The following AFF2 variants were observed in gnomAD, a reference collection of about 807,000 sequenced individuals.
AFF2 encodes the protein ALF transcription elongation factor 2.
Under a neutral mutation model 76.9 loss-of-function variants are expected in AFF2, and 14 were observed. That is an observed-to-expected ratio of 0.18 (90% CI 0.12 to 0.28). The LOEUF (loss-of-function observed/expected upper bound fraction) is 0.28. AFF2 is among the 10% of genes least tolerant of loss of function. The pLI is 1.00. For missense variants in AFF2, 868 were observed against 1,001.1 expected (o/e 0.87, Z 1.79); for synonymous variants, 398 against 366.7 (o/e 1.09, Z -0.98).
intron 9 of AFF2, among the ~76,000 whole-genome samples, chrX:148,950,251 A>T (rs1362484585): frequency 8.9e-6 from 1 of 112,127 alleles, no homozygotes; most frequent in African/African-American, 3.2e-5. Context: ...GGCCCAGAGG[A>T]AATGAGGCCC....
intron 3 of AFF2, among the ~76,000 whole-genome samples, chrX:148,722,446 T>C (rs28677839): frequency 0.18 from 19,299 of 109,531 alleles, 1,916 homozygotes; most frequent in African/African-American, 0.37. Context: ...TCGCAAGAAC[T>C]CGACCAGCGA....
chrX:148,919,897 A>C (rs1360015794), intron 9 of AFF2, among the ~76,000 whole-genome samples: 2 of 112,624 alleles, frequency 1.8e-5, no homozygotes, highest in African/African-American at 6.4e-5. Context: ...CAAAAGTTCT[A>C]GGTGCTTGGA....
chrX:148,661,807 G>C (rs566156101), intron 2 of AFF2, 101 bp from the exon 3 acceptor site: 2 of 851,386 alleles, frequency 2.3e-6, no homozygotes, highest in Admixed American at 3.1e-5. Context: ...AAAGAATCCC[G>C]TATGATAGTC....
At chrX:148,592,867 T>G in intron 1 of AFF2, among the ~76,000 whole-genome samples, 1 of 112,349 alleles carries the variant, frequency 8.9e-6, no homozygotes, top group African/African-American at 3.2e-5. Context: ...TGAAACAGCC[T>G]ATTGTTTTTT....
rs1002771758 is a variant in AFF2, at chrX:148,560,754, G to A, written c.47+59610G>A. The stretch of plus-strand genomic sequence containing the variant: ...GCCATTCTGAGCCATATTGAAGCCT[G>A]AGGCAAAAGGAAAAAATAAGACATT... On this transcript the variant is annotated intron_variant, in intron 1 of 20. Transcript: ENST00000370460. Among the ~76,000 whole-genome samples the A allele has an allele frequency of 2.7e-5, 3 of 112,187 alleles. No homozygotes were observed. In the South Asian group the frequency reaches 1.1e-3, roughly 42 times the overall value.
rs1351348401 is a variant in AFF2 at position 148,995,084 on chromosome X, T to C, written c.*3752T>C. ...AATTTAATTCTGTGGGGAAAAATTA[T>C]TGAGCCAGTTGTCAGTGTTCTGTTA... On this transcript the variant is annotated 3_prime_UTR_variant, in exon 21 of 21. Transcript: ENST00000370460. The C allele has an allele frequency of 8.9e-6, 1 of 112,300 alleles. No homozygotes were observed. 9.3% of individuals were successfully genotyped at this position (112,300 alleles called of 1,213,427 possible).
chrX:148,896,095 C>T (rs57351531), intron 8 of AFF2, among the ~76,000 whole-genome samples: 1,395 of 111,467 alleles, frequency 0.013, 21 homozygotes, highest in African/African-American at 0.043. Flanking sequence ...AACATGGACT[C>T]GAGGGTCATT....
intron 3 of AFF2, among the ~76,000 whole-genome samples, chrX:148,687,559 G>A (rs1426415455): frequency 9.0e-6 from 1 of 110,881 alleles, no homozygotes; most frequent in African/African-American, 3.3e-5. Flanking sequence ...TTCTTAAGAT[G>A]ATATTGGTAC....
At chrX:148,680,373 C>T (rs2054533807) in intron 3 of AFF2, among the ~76,000 whole-genome samples, 1 of 111,841 alleles carries the variant, frequency 8.9e-6, no homozygotes, top group Admixed American at 9.5e-5. Flanking sequence ...GTTATAAAAT[C>T]AGGGTATTGC....
chrX:148,947,274 G>A (rs1213003261), intron 9 of AFF2, among the ~76,000 whole-genome samples: 6 of 112,085 alleles, frequency 5.4e-5, no homozygotes, highest in African/African-American at 9.7e-5. Context: ...CTCATCAATA[G>A]CATCAGAGAA....
chrX:148,959,678 G>A (rs1167320098), intron 12 of AFF2, among the ~76,000 whole-genome samples: 3 of 112,309 alleles, frequency 2.7e-5, no homozygotes, highest in African/African-American at 9.7e-5. Context: ...AGTTTGCTCT[G>A]AAACATCCCT....
chrX:148,774,536 C>T (rs2069643827), intron 3 of AFF2, among the ~76,000 whole-genome samples: 1 of 111,111 alleles, frequency 9.0e-6, no homozygotes, highest in South Asian at 3.8e-4. Context: ...TTCTACATTC[C>T]TCTCTTATTT....
At chrX:148,644,023 T>TA (rs2054116293) in intron 1 of AFF2, among the ~76,000 whole-genome samples, 1 of 111,681 alleles carries the variant, frequency 9.0e-6, no homozygotes, top group African/African-American at 3.3e-5. Flanking sequence ...GCATTTCCAT[T>TA]AAAATGGAAT....
intron 9 of AFF2, among the ~76,000 whole-genome samples, chrX:148,938,394 A>G (rs1253930830): frequency 8.9e-6 from 1 of 112,406 alleles, no homozygotes; most frequent in African/African-American, 3.2e-5. Context: ...TGCGTGGCAC[A>G]TAACCATAAT....
At chrX:148,931,535 A>C (rs1184291526) in intron 9 of AFF2, among the ~76,000 whole-genome samples, 1 of 112,323 alleles carries the variant, frequency 8.9e-6, no homozygotes, top group Non-Finnish European at 1.9e-5. Flanking sequence ...TCTTATTTGC[A>C]TGTTTTACAC....
chrX:148,786,727 A>G (rs967470362), intron 3 of AFF2, among the ~76,000 whole-genome samples: 3 of 112,036 alleles, frequency 2.7e-5, no homozygotes, highest in Non-Finnish European at 5.6e-5. Context: ...TAGGAATTCA[A>G]CATGAACTTT....
chrX:148,643,000 A>G (rs1303389920), intron 1 of AFF2, among the ~76,000 whole-genome samples: 1 of 112,328 alleles, frequency 8.9e-6, no homozygotes, highest in Non-Finnish European at 1.9e-5. Flanking sequence ...GAAGTAAATC[A>G]AGAATTAGAT....
At chrX:148,828,731 G>A (rs1343647292) in intron 4 of AFF2, among the ~76,000 whole-genome samples, 2 of 111,844 alleles carry the variant, frequency 1.8e-5, no homozygotes, top group Non-Finnish European at 3.8e-5. Context: ...GTGTTTGAAT[G>A]TAGAATGCCC....
rs151339705 is a variant in AFF2 at position 148,985,285 on chromosome X, C to CTTTTTT, written c.3624-2053_3624-2048dup. 6.1e-3 allele frequency among the ~76,000 whole-genome samples: 94 copies of CTTTTTT among 15,383 alleles called. 32 individuals are homozygous for CTTTTTT. The highest frequency in any genetic ancestry group is 0.011 in the South Asian group (1 of 89). The allele number at this position is 15,383 out of a possible 115,157, so 13.4% of individuals were successfully genotyped here. A position where few individuals can be genotyped will look rare whatever the true frequency, so the allele number is the denominator to read the frequency against. ...ACAGGCATGAGCCCCTGTGCCTGGC[C>CTTTTTT]TTTTTTTTTTTTTTTTTTTTTTTTT... On this transcript the variant is annotated intron_variant, in intron 19 of 20. Transcript: ENST00000370460.
Sources: allele counts gnomAD v4.1 joint callset (sites outside exome capture counted in the v4.1 genomes callset), GRCh38; gene constraint gnomAD v4.1.1; transcripts MANE v1.5; gene names NCBI Gene and HGNC (gene_info 2026-07-23, HGNC 2026-07-21).